POLR2G: variants seen among roughly 807,000 people sequenced by gnomAD.
The protein encoded by POLR2G is DNA-directed RNA polymerase II subunit RPB7.
Under a neutral mutation model 25.7 loss-of-function variants are expected in POLR2G, and 19 were observed. The ratio of observed to expected loss-of-function variants is 0.74; its 90% CI spans 0.52 to 1.08. The LOEUF is 1.08. Ranked by LOEUF, POLR2G falls within the 50% of genes least tolerant of loss-of-function variation. POLR2G has a pLI of 0.00. For missense variants in POLR2G, 123 were observed against 218.5 expected (o/e 0.56, Z 2.76); for synonymous variants, 79 against 76.0 (o/e 1.04, Z -0.21).
intron 3 of POLR2G, among the ~76,000 whole-genome samples, chr11:62,763,945 T>A (rs2084102048): frequency 6.6e-6 from 1 of 151,410 alleles, no homozygotes; most frequent in Non-Finnish European, 1.5e-5. Flanking sequence ...TTTCTCCATG[T>A]TGGTCAGGCT....
intron 3 of POLR2G, 63 bp downstream of exon 3, chr11:62,763,089 C>G (rs1029310200): frequency 9.2e-7 from 1 of 1,091,596 alleles, no homozygotes; most frequent in African/African-American, 1.6e-5. Flanking sequence ...TGGGTTCTGG[C>G]TCCACTTCAT....
chr11:62,763,678 C>T (rs1293451587), intron 3 of POLR2G, among the ~76,000 whole-genome samples: 2 of 151,616 alleles, frequency 1.3e-5, no homozygotes, highest in African/African-American at 4.8e-5. Context: ...CAATAAAAGC[C>T]TGTGTTGATT....
intron 6 of POLR2G, 52 bp downstream of exon 6, chr11:62,765,776 C>T (rs1177269470): frequency 1.6e-5 from 16 of 1,013,094 alleles, no homozygotes; most frequent in Admixed American, 5.9e-5. Context: ...TGAGAACTGT[C>T]GATTTCTTTT....
At chr11:62,761,988 C>A in intron 2 of POLR2G, 84 bp downstream of exon 2, 2 of 996,364 alleles carry the variant, frequency 2.0e-6, no homozygotes, top group Non-Finnish European at 3.1e-6. Context: ...AACTCCTACT[C>A]GTCCTGCCAC....
chr11:62,763,077 G>C lies in POLR2G; in HGVS notation c.282+51G>C, dbSNP rs752548463. Reference sequence around the variant, plus strand: ...TGGGGTAGTCTCTCGGAAGATCTGGGTTGGGTTCTGGCTCCACTTCATAAC... The same window carrying C: ...TGGGGTAGTCTCTCGGAAGATCTGGCTTGGGTTCTGGCTCCACTTCATAAC... On this transcript the variant is annotated intron_variant, in intron 3 of 7. Transcript: ENST00000301788. 7 of 1,308,888 alleles carry C rather than the reference G, an allele frequency of 5.3e-6. No homozygotes were observed. In the South Asian group the frequency reaches 8.8e-5, roughly 16 times the overall value. 81.1% of individuals were successfully genotyped at this position (1,308,888 alleles called of 1,614,324 possible). A position where few individuals can be genotyped will look rare whatever the true frequency, so the allele number is the denominator to read the frequency against.
intron 3 of POLR2G, among the ~76,000 whole-genome samples, chr11:62,763,746 G>GTTT (rs113273321): frequency 1.5e-5 from 2 of 137,604 alleles, no homozygotes; most frequent in Admixed American, 7.3e-5. Flanking sequence ...TAAAAGGTGG[G>GTTT]TTTTTTTTTT....
At chr11:62,764,664 T>C (rs1393757252) in intron 3 of POLR2G, among the ~76,000 whole-genome samples, 1 of 151,554 alleles carries the variant, frequency 6.6e-6, no homozygotes, top group Non-Finnish European at 1.5e-5. Flanking sequence ...AGCATGGTGG[T>C]GTGCACCTGT....
chr11:62,761,688 G>A lies in POLR2G; in HGVS notation c.12+28G>A, dbSNP rs1172658500. The A allele has an allele frequency of 2.5e-6, 4 of 1,611,548 alleles. No individual in the cohort carries two copies. In the East Asian group the frequency reaches 6.7e-5, roughly 27 times the overall value. On this transcript the variant is annotated intron_variant, in intron 1 of 7. Transcript: ENST00000301788. ...GAGCAGGGCTCAGGGTGGCGGCAAG[G>A]GCTGGGTGGAAAGGAAGAGCAAGGC...
rs955270041 is a variant in POLR2G at position 62,765,246 on chromosome 11, C to T, written c.333+14C>T. The T allele has an allele frequency of 6.2e-7, 1 of 1,613,562 alleles. No individual in the cohort carries two copies. The highest frequency in any genetic ancestry group is 2.2e-5 in the East Asian group (1 of 44,876). On this transcript the variant is annotated intron_variant, in intron 4 of 7. Coordinates refer to ENST00000301788, the MANE Select transcript of POLR2G (RefSeq NM_002696.3). ...ATCTCTCGACATGTAAGTCTGGGCA[C>T]ACTGGGTGGGGCTGAGGAAGACAGA...
chr11:62,763,485 G>A (rs1370140826), intron 3 of POLR2G, among the ~76,000 whole-genome samples: 1 of 151,222 alleles, frequency 6.6e-6, no homozygotes, highest in Admixed American at 6.6e-5. Flanking sequence ...TAGTACAGAC[G>A]GGGTTTCACT....
At position 62,764,495 on chromosome 11, in the gene POLR2G, T is replaced by TA. The variant is rs942652054; in HGVS notation, c.283-678dup. On this transcript the variant is annotated intron_variant, in intron 3 of 7. Transcript: ENST00000301788. Reference sequence around the variant, plus strand: ...ATGTAAATAAATACAAATGAAAGCTTAAAAAAAAAGAGAAAAGGGCTGGGT... The same window carrying TA: ...ATGTAAATAAATACAAATGAAAGCTTAAAAAAAAAAGAGAAAAGGGCTGGGT... 4.0e-5 allele frequency among the ~76,000 whole-genome samples: 6 copies of TA among 150,270 alleles called. No individual in the cohort carries two copies. In the East Asian group the frequency reaches 5.9e-4, roughly 15 times the overall value.
Position 62,766,229 on chromosome 11 carries a change from C to T in POLR2G, c.472-14C>T. 1 of 1,613,124 alleles carries T rather than the reference C, an allele frequency of 6.2e-7. No homozygotes were observed. The highest frequency in any genetic ancestry group is 8.5e-7 in the Non-Finnish European group (1 of 1,179,176). On this transcript the variant is annotated splice_polypyrimidine_tract_variant and intron_variant, in intron 6 of 7. Transcript: ENST00000301788. ...CATCTTGGCTTCACTTTCTTTTTAC[C>T]ATCTTTCTTGCAGTTTGCTATTGGC... is the stretch of plus-strand genomic sequence containing the variant.
Position 62,761,899 on chromosome 11 carries a change from A to C in POLR2G, c.117A>C (p.Thr39=), listed in dbSNP as rs571234011. The C allele has an allele frequency of 1.3e-5, 21 of 1,602,226 alleles. No individual in the cohort carries two copies. The South Asian group carries it at 1.9e-4, about 14-fold the overall frequency. Residue 39 remains threonine (T), a synonymous_variant, in exon 2 of 8, where the codon ACA becomes ACC. Transcript: ENST00000301788. The part of the protein sequence containing the change: ...KLFTEVEGTC[T]GKYGFVIAVT... ...TCACCGAGGTGGAGGGGACCTGCACAGGGAAGTGAGTGTCGAGCTCACCGC... is the reference window on the plus strand; with the variant it reads ...TCACCGAGGTGGAGGGGACCTGCACCGGGAAGTGAGTGTCGAGCTCACCGC...
chr11:62,761,734 C>T lies in POLR2G; in HGVS notation c.13-61C>T. 4 of 1,606,274 alleles carry T rather than the reference C, an allele frequency of 2.5e-6. No homozygotes were observed. In the South Asian group the frequency reaches 4.4e-5, roughly 18 times the overall value. The stretch of plus-strand genomic sequence containing the variant: ...AAGGCCAGGCGCCGGCGCGAGACTC[C>T]CCTTGTCGTCCAATAACCTGCCAGC... On this transcript the variant is annotated intron_variant, in intron 1 of 7. Transcript: ENST00000301788.
At chr11:62,764,504 A>AG (rs2084105035) in intron 3 of POLR2G, among the ~76,000 whole-genome samples, 2 of 152,036 alleles carry the variant, frequency 1.3e-5, no homozygotes, top group Non-Finnish European at 2.9e-5. Context: ...TTAAAAAAAA[A>AG]GAGAAAAGGG....
In POLR2G at chr11:62,766,488, T is replaced by C; in HGVS notation, c.506-6T>C. The C allele has an allele frequency of 1.2e-6, 2 of 1,614,062 alleles. No individual in the cohort carries two copies. Among genetic ancestry groups the C allele is most frequent in the Non-Finnish European group, 1.7e-6 (2 of 1,179,952 alleles). The stretch of plus-strand genomic sequence containing the variant: ...TCTAACTGATATGCTTTTTCTGGTT[T>C]CGCAGGGCTTGTAAGCTGAGCCTGG... On this transcript the variant is annotated splice_polypyrimidine_tract_variant and splice_region_variant and intron_variant, in intron 7 of 7. Coordinates refer to ENST00000301788, the MANE Select transcript of POLR2G (RefSeq NM_002696.3).
In POLR2G at chr11:62,766,272, C is replaced by T; in HGVS notation, c.501C>T (p.Tyr167=). ...CTATTGGCTCCCTGATGGACGATTA[C>T]TTGGGTGAGTGCCTGATCATAGGTG... ...IFAIGSLMDD[Y]LGLVS is the part of the protein sequence containing the mutation. The change falls in exon 7 of 8, where the codon TAC becomes TAT. Residue 167 remains tyrosine (Y), a synonymous_variant. Coordinates refer to ENST00000301788, the MANE Select transcript of POLR2G (RefSeq NM_002696.3). 2 of 1,613,576 alleles carry T rather than the reference C, an allele frequency of 1.2e-6. No homozygotes were observed. Among genetic ancestry groups the T allele is most frequent in the Non-Finnish European group, 1.7e-6 (2 of 1,179,572 alleles).
At chr11:62,765,099 C>A in intron 3 of POLR2G, 83 bp from the exon 4 acceptor site, 1 of 1,158,368 alleles carries the variant, frequency 8.6e-7, no homozygotes. Flanking sequence ...CCTCGTGATC[C>A]ACCGGCCTCG....
At chr11:62,765,108 C>T (rs1275967351) in intron 3 of POLR2G, 74 bp from the exon 4 acceptor site, 29 of 1,300,136 alleles carry the variant, frequency 2.2e-5, no homozygotes, top group South Asian at 8.3e-5. Flanking sequence ...CCACCGGCCT[C>T]GGCCTCCCAA....
Sources: gnomAD v4.1 joint callset for allele counts (sites outside exome capture counted in the v4.1 genomes callset) on GRCh38, gnomAD v4.1.1 for gene constraint, MANE v1.5 for transcripts, NCBI Gene and HGNC (gene_info 2026-07-23, HGNC 2026-07-21) for gene names.